Variants in ARL5C observed in about 807,000 individuals in gnomAD.
ARL5C encodes the protein putative ADP-ribosylation factor-like protein 5C.
ARL5C carries 21 observed loss-of-function variants against 20.8 expected under a neutral mutation model. That is an observed-to-expected ratio of 1.01 (90% confidence interval 0.72 to 1.46). ARL5C has a LOEUF of 1.46. Ranked by LOEUF, ARL5C falls within the 40% of genes most tolerant of loss-of-function variation. ARL5C has a pLI of 0.00. For missense variants in ARL5C, 199 were observed against 225.1 expected (o/e 0.88, Z 0.74); for synonymous variants, 71 against 81.6 (o/e 0.87, Z 0.70).
chr17:39,159,197 GTTTTTTTT>G (rs35119781), intron 5 of ARL5C, among the ~76,000 whole-genome samples: 1 of 97,312 alleles, frequency 1.0e-5, no homozygotes, highest in South Asian at 3.3e-4. Flanking sequence ...ACATCCAGCG[GTTTTTTTT>G]TTTTTTTTTT....
At chr17:39,165,015 C>T in intron 2 of ARL5C, 64 bp downstream of exon 2, 8 of 1,504,976 alleles carry the variant, frequency 5.3e-6, no homozygotes, top group Non-Finnish European at 7.2e-6. Flanking sequence ...AGTGATTGGT[C>T]CCCCTGCCTG....
At chr17:39,160,125 G>C (rs1451578326) in intron 5 of ARL5C, 1 of 156,008 alleles carries the variant, frequency 6.4e-6, no homozygotes, top group Admixed American at 6.4e-5. Flanking sequence ...CTGTGGTCAG[G>C]AGTTCAAGAC....
At chr17:39,161,739 C>G (rs1480711911) in intron 3 of ARL5C, among the ~76,000 whole-genome samples, 2 of 152,146 alleles carry the variant, frequency 1.3e-5, no homozygotes, top group African/African-American at 4.8e-5. Flanking sequence ...GTCTCAAACT[C>G]CTGATCTCAG....
At chr17:39,159,197 GTTTTT>G (rs35119781) in intron 5 of ARL5C, among the ~76,000 whole-genome samples, 5 of 97,312 alleles carry the variant, frequency 5.1e-5, no homozygotes, top group African/African-American at 1.2e-4. Flanking sequence ...ACATCCAGCG[GTTTTT>G]TTTTTTTTTT....
rs201652972 is a variant in ARL5C, at chr17:39,165,086, A to G, written c.100T>C (p.Tyr34His). Residue 34 changes from tyrosine to histidine, a missense_variant, in exon 2 of 6, where the codon TAC (tyrosine) becomes CAC (histidine). Physicochemically the swap from Tyr to His is moderately conservative, Grantham distance 83 (BLOSUM62 2). Transcript: ENST00000269586. Reference protein sequence around the residue: ...LDNEGKTTILYRFLTNEVVHM... With the variant: ...LDNEGKTTILHRFLTNEVVHM... ...CGCCCGAGAGTCACTTACAACCGGT[A>G]GAGAATGGTGGTCTTTCCTTCATTG... is the stretch of plus-strand genomic sequence containing the variant. 3.1e-4 allele frequency: 482 copies of G among 1,551,016 alleles called. No homozygotes were observed. In the African/African-American group the frequency reaches 6.0e-3, roughly 19 times the overall value.
At chr17:39,163,356 T>TTCTTTCTTTCTTTCTTTCTTTCTTTCTC (rs1285571332) in intron 2 of ARL5C, among the ~76,000 whole-genome samples, 2 of 113,976 alleles carry the variant, frequency 1.8e-5, no homozygotes, top group Admixed American at 8.0e-5. Flanking sequence ...CTTTCTTTCT[T>TTCTTTCTTTCTTTCTTTCTTTCTTTCTC]TCTTTCTTTC....
At position 39,162,672 on chromosome 17, in the gene ARL5C, C is replaced by T. The variant is rs1224037189; in HGVS notation, c.255+39G>A. 2.6e-6 allele frequency: 4 copies of T among 1,542,180 alleles called. No individual in the cohort carries two copies. In the East Asian group the frequency reaches 7.4e-5, roughly 28 times the overall value. On this transcript the variant is annotated intron_variant, in intron 3 of 5. Coordinates refer to ENST00000269586, the MANE Select transcript of ARL5C (RefSeq NM_001143968.1). ...TTACATGACAGTCTGATATCACACGCCTGCCTTGGAGACCCTTCAGCCCTG... is the reference window on the plus strand; with the variant it reads ...TTACATGACAGTCTGATATCACACGTCTGCCTTGGAGACCCTTCAGCCCTG...
chr17:39,160,324 CAAA>C (rs35532222), intron 5 of ARL5C: 1,544 of 268,696 alleles, frequency 5.7e-3, no homozygotes, highest in South Asian at 9.6e-3. Flanking sequence ...AACTCTGTCT[CAAA>C]AAAAAAAAAA....
Position 39,156,946 on chromosome 17 carries a change from C to T in ARL5C, c.492-4G>A. ...CCACTGAAGTCTGGCAGGCAGCCTG[C>T]AGGGAGGAAGGAACAGGAGGGGTCA... is the stretch of plus-strand genomic sequence containing the variant. On this transcript the variant is annotated splice_region_variant and splice_polypyrimidine_tract_variant and intron_variant, in intron 5 of 5. Coordinates refer to ENST00000269586, the MANE Select transcript of ARL5C (RefSeq NM_001143968.1). The T allele has an allele frequency of 6.4e-7, 1 of 1,551,810 alleles. No individual in the cohort carries two copies. Among genetic ancestry groups the T allele is most frequent in the Non-Finnish European group, 8.7e-7 (1 of 1,146,954 alleles).
At chr17:39,163,396 C>CTTTCTTTCTT (rs1567781477) in intron 2 of ARL5C, among the ~76,000 whole-genome samples, 16 of 32,358 alleles carry the variant, frequency 4.9e-4, no homozygotes, top group East Asian at 4.5e-3. Flanking sequence ...CTTTCTTTCT[C>CTTTCTTTCTT]TCTTTCTTTC....
chr17:39,165,730 T>C lies in ARL5C; in HGVS notation c.31A>G (p.Ile11Val). Residue 11 changes from isoleucine to valine, a missense_variant, in exon 1 of 6, where the codon ATC becomes GTC. By Grantham distance (29) the Ile-to-Val change is conservative. Coordinates refer to ENST00000269586, the MANE Select transcript of ARL5C (RefSeq NM_001143968.1). MGQLIAKLMS[I>V]FGNQEHTVII... is the part of the protein sequence containing the mutation. ...CGCCCCTTACCCTGGTTCCCGAAGATGCTCATTAACTTGGCGATCAGCTGT... is the reference window on the plus strand; with the variant it reads ...CGCCCCTTACCCTGGTTCCCGAAGACGCTCATTAACTTGGCGATCAGCTGT... 1 of 1,551,826 alleles carries C rather than the reference T, an allele frequency of 6.4e-7. No homozygotes were observed. The highest frequency in any genetic ancestry group is 8.7e-7 in the Non-Finnish European group (1 of 1,146,972).
chr17:39,159,574 G>A lies in ARL5C; in HGVS notation c.491+1017C>T, dbSNP rs151099832. ...GGCCTCCCAAAGTGCTGGGATTACA[G>A]GCATGAGCCACCGCGCCCCGCCATC... On this transcript the variant is annotated intron_variant, in intron 5 of 5. Coordinates refer to ENST00000269586, the MANE Select transcript of ARL5C (RefSeq NM_001143968.1). Among the ~76,000 whole-genome samples the A allele has an allele frequency of 4.0e-3, 613 of 152,216 alleles. 7 individuals carry two copies. The highest frequency in any genetic ancestry group is 0.014 in the African/African-American group (584 of 41,538).
intron 2 of ARL5C, among the ~76,000 whole-genome samples, chr17:39,164,597 A>G (rs1001008466): frequency 6.6e-6 from 1 of 152,104 alleles, no homozygotes; most frequent in Non-Finnish European, 1.5e-5. Context: ...AAAATGGGAG[A>G]GGTGCCATCC....
chr17:39,157,282 T>G (rs1160923124), intron 5 of ARL5C, among the ~76,000 whole-genome samples: 1 of 152,192 alleles, frequency 6.6e-6, no homozygotes, highest in Non-Finnish European at 1.5e-5. Context: ...AGGGCTTCTC[T>G]GAGGAAGGAG....
In ARL5C at chr17:39,163,362, C is replaced by CTTTCTTTCTTTCT. The variant is rs1176159547; in HGVS notation, c.108-517_108-505dup. On this transcript the variant is annotated intron_variant, in intron 2 of 5. Transcript: ENST00000269586. ...GGCTTTTGCCTTTCTTTCTTTCTTT[C>CTTTCTTTCTTTCT]TTTCTTTCTTTCTTTCTTTCTTTCT... 2.4e-5 allele frequency among the ~76,000 whole-genome samples: 3 copies of CTTTCTTTCTTTCT among 123,842 alleles called. No homozygotes were observed. The East Asian group carries it at 6.1e-4, about 25-fold the overall frequency. 81.2% of individuals were successfully genotyped at this position (123,842 alleles called of 152,430 possible).
At position 39,162,721 on chromosome 17, in the gene ARL5C, G is replaced by T. The variant is rs1377854325; in HGVS notation, c.245C>A (p.Ser82Tyr). ...ALSFIWNTYY[S>Y]NTEFIILVID... The stretch of plus-strand genomic sequence containing the variant: ...TGGTGCCCTCCTCACCTCAGTGTTG[G>T]AGTAGTATGTGTTCCAGATAAAGCT... Residue 82 changes from serine to tyrosine, a missense_variant, in exon 3 of 6, where the codon TCC becomes TAC. Ser to Tyr is a moderately radical substitution (Grantham distance 144, BLOSUM62 -2). Transcript: ENST00000269586. 4 of 1,551,546 alleles carry T rather than the reference G, an allele frequency of 2.6e-6. No individual in the cohort carries two copies. Among genetic ancestry groups the T allele is most frequent in the East Asian group, 2.4e-5 (1 of 40,960 alleles).
At chr17:39,165,004 C>T in intron 2 of ARL5C, 75 bp downstream of exon 2, 2 of 1,465,762 alleles carry the variant, frequency 1.4e-6, no homozygotes, top group Non-Finnish European at 1.9e-6. Flanking sequence ...GGAAGAGCTC[C>T]AGTGATTGGT....
rs530236703 is a variant in ARL5C, at chr17:39,165,583, G to C, written c.46+132C>G. 4.4e-6 allele frequency: 5 copies of C among 1,140,890 alleles called. No homozygotes were observed. In the East Asian group the frequency reaches 1.0e-4, roughly 24 times the overall value. 70.7% of individuals were successfully genotyped at this position (1,140,890 alleles called of 1,614,324 possible). A position where few individuals can be genotyped will look rare whatever the true frequency, so the allele number is the denominator to read the frequency against. ...CAGGGACGGGGGCAGGGGAGGCCGC[G>C]GGGCAGTCGAGGAGCGCCCATATAC... On this transcript the variant is annotated intron_variant, in intron 1 of 5. Transcript: ENST00000269586.
rs180809988 is a variant in ARL5C, at chr17:39,164,899, G to C, written c.107+180C>G. 8.0e-4 allele frequency: 496 copies of C among 622,414 alleles called. 2 individuals are homozygous for C. The highest frequency in any genetic ancestry group is 7.6e-3 in the African/African-American group (411 of 53,900). The allele number at this position is 622,414 out of a possible 1,614,324, so 38.6% of individuals were successfully genotyped here. On this transcript the variant is annotated intron_variant, in intron 2 of 5. Coordinates refer to ENST00000269586, the MANE Select transcript of ARL5C (RefSeq NM_001143968.1). Reference sequence around the variant, plus strand: ...AGCTAGGGTTGCCTGTACGGTGCAGGATTTGAATGCCAGACCGAGGAGCCG... The same window carrying C: ...AGCTAGGGTTGCCTGTACGGTGCAGCATTTGAATGCCAGACCGAGGAGCCG...
Sources: allele counts gnomAD v4.1 joint callset (sites outside exome capture counted in the v4.1 genomes callset), GRCh38; gene constraint gnomAD v4.1.1; transcripts MANE v1.5; gene names NCBI Gene and HGNC (gene_info 2026-07-23, HGNC 2026-07-21).